NFRKB: variants seen among roughly 807,000 people sequenced by gnomAD.
NFRKB encodes the protein nuclear factor related to kappa-B-binding protein.
NFRKB carries 62 observed loss-of-function variants against 135.7 expected under a neutral mutation model. That is an observed-to-expected ratio of 0.46 (90% CI 0.37 to 0.56). The LOEUF (loss-of-function observed/expected upper bound fraction) is 0.56. NFRKB is among the 20% of genes least tolerant of loss of function. The pLI, the probability that NFRKB is intolerant of heterozygous loss-of-function variation, is 0.00. For synonymous variants in NFRKB, 678 were observed against 635.6 expected (o/e 1.07, Z -1.00); for missense variants, 1,545 against 1,662.0 (o/e 0.93, Z 1.22).
chr11:129,892,958 C>T, intron 2 of NFRKB, 88 bp from the exon 3 acceptor site: 1 of 1,594,734 alleles, frequency 6.3e-7, no homozygotes, highest in Non-Finnish European at 8.5e-7. Flanking sequence ...AACATTCAAC[C>T]TCCAGCCAGT....
chr11:129,874,248 A>G lies in NFRKB; in HGVS notation c.2144T>C (p.Met715Thr). Residue 715 changes from methionine to threonine, a missense_variant, in exon 21 of 27, where the codon ATG (methionine) becomes ACG (threonine). This residue lies in a region of NFRKB where 753 missense variants were observed against 804.3 expected (regional missense o/e 0.94). Coordinates refer to ENST00000682444, the MANE Select transcript of NFRKB (RefSeq NM_001143835.2). This position sits in a 1 kb window ranked among gnomAD's most constrained non-coding sequence, Gnocchi z 4.5. ...QSQMSLSDSS[M>T]PPTPVTPVTP... ...TACAGGTGTGACTGGGGTGGGTGGCATACTGGAGTCACTGAGGCTCATCTG... is the reference window on the plus strand; with the variant it reads ...TACAGGTGTGACTGGGGTGGGTGGCGTACTGGAGTCACTGAGGCTCATCTG... 2 of 1,518,238 alleles carry G rather than the reference A, an allele frequency of 1.3e-6. No individual in the cohort carries two copies. The highest frequency in any genetic ancestry group is 8.8e-7 in the Non-Finnish European group (1 of 1,135,784). 94.0% of individuals were successfully genotyped at this position (1,518,238 alleles called of 1,614,324 possible). A position where few individuals can be genotyped will look rare whatever the true frequency, so the allele number is the denominator to read the frequency against.
At chr11:129,882,228 G>C in intron 10 of NFRKB, 34 bp from the exon 11 acceptor site, 5 of 1,558,550 alleles carry the variant, frequency 3.2e-6, no homozygotes, top group Non-Finnish European at 4.4e-6. Context: ...GAACCAAAAA[G>C]ACCAAGAACA....
Position 129,870,204 on chromosome 11 carries a change from T to C in NFRKB, c.2821A>G (p.Thr941Ala), listed in dbSNP as rs200763187. 2 of 1,613,800 alleles carry C rather than the reference T, an allele frequency of 1.2e-6. No individual in the cohort carries two copies. Among genetic ancestry groups the C allele is most frequent in the South Asian group, 2.2e-5 (2 of 91,084 alleles). Reference sequence around the variant, plus strand: ...CCCTGGATGCGGAAGTTAGTGGCTGTGAGTGGAATGCTGTTGCCTGTTTGG... The same window carrying C: ...CCCTGGATGCGGAAGTTAGTGGCTGCGAGTGGAATGCTGTTGCCTGTTTGG... ...KPQTGNSIPL[T>A]ATNFRIQGKD... is the part of the protein sequence containing the mutation. The change falls in exon 24 of 27, where the codon ACA becomes GCA. Residue 941 changes from threonine to alanine, a missense_variant. Physicochemically the swap from Thr to Ala is moderately conservative, Grantham distance 58 (BLOSUM62 0). Around this residue, in one of 3 missense-constraint regions of NFRKB, gnomAD observed 753 missense variants for 804.3 expected, o/e 0.94. Transcript: ENST00000682444.
chr11:129,882,386 C>A, intron 10 of NFRKB, 65 bp downstream of exon 10: 5 of 1,552,320 alleles, frequency 3.2e-6, no homozygotes, highest in Non-Finnish European at 4.4e-6. Flanking sequence ...GCCCTAGGGG[C>A]CAGGGCACAG....
At chr11:129,887,894 A>G (rs1002463389) in intron 4 of NFRKB, among the ~76,000 whole-genome samples, 1 of 152,168 alleles carries the variant, frequency 6.6e-6, no homozygotes, top group African/African-American at 2.4e-5. Flanking sequence ...AAAATTAGCC[A>G]GGCGTGGTGG....
intron 4 of NFRKB, among the ~76,000 whole-genome samples, chr11:129,887,625 G>A (rs770732332): frequency 2.0e-5 from 3 of 152,140 alleles, no homozygotes; most frequent in Non-Finnish European, 2.9e-5. Context: ...GGGGCAAAGC[G>A]CCCTACCTAG....
chr11:129,869,463 G>T, intron 24 of NFRKB, 31 bp downstream of exon 24: 1 of 1,538,082 alleles, frequency 6.5e-7, no homozygotes, highest in Non-Finnish European at 8.7e-7. Context: ...TTCTAAAAAA[G>T]AAGGCCTAAG....
At chr11:129,868,881 G>T (rs1948347893) in intron 24 of NFRKB, among the ~76,000 whole-genome samples, 1 of 152,186 alleles carries the variant, frequency 6.6e-6, no homozygotes, top group African/African-American at 2.4e-5. Flanking sequence ...TAAGCCGGGT[G>T]TGATGACACA....
At chr11:129,884,219 GAT>G in intron 7 of NFRKB, 76 bp from the exon 8 acceptor site, 1 of 1,472,736 alleles carries the variant, frequency 6.8e-7, no homozygotes, top group South Asian at 1.1e-5. Context: ...TCAAAAGTAA[GAT>G]ATTTCTGAGT....
chr11:129,882,918 G>A (rs987251935), intron 9 of NFRKB, among the ~76,000 whole-genome samples: 2 of 152,066 alleles, frequency 1.3e-5, no homozygotes, highest in African/African-American at 4.8e-5. Flanking sequence ...CAAGTATACA[G>A]CTTAATTTTA....
chr11:129,878,795 C>T (rs966341608), intron 13 of NFRKB, among the ~76,000 whole-genome samples: 6 of 152,304 alleles, frequency 3.9e-5, no homozygotes, highest in South Asian at 2.1e-4. Flanking sequence ...CTGCATGTGA[C>T]GCTAAGGTTA....
At position 129,881,742 on chromosome 11, in the gene NFRKB, C is replaced by A. The variant is rs762751102; in HGVS notation, c.1303G>T (p.Ala435Ser). The part of the protein sequence containing the change: ...ELVLPALQYL[A>S]GESRAVPSSF... ...AGCATCTTACCTCGACTTTCTCCAG[C>A]AAGATACTGCAGGGCTGGTAGTACC... Residue 435 changes from alanine (A) to serine (S), a missense_variant, in exon 12 of 27, where the codon GCT becomes TCT. Physicochemically the swap from Ala to Ser is moderately conservative, Grantham distance 99. Transcript: ENST00000682444. The A allele has an allele frequency of 6.2e-7, 1 of 1,614,130 alleles. No individual in the cohort carries two copies. Among genetic ancestry groups the A allele is most frequent in the Non-Finnish European group, 8.5e-7 (1 of 1,180,000 alleles).
intron 10 of NFRKB, 94 bp from the exon 11 acceptor site, chr11:129,882,288 G>A: frequency 7.5e-7 from 1 of 1,339,530 alleles, no homozygotes. Flanking sequence ...TCATAAAAGA[G>A]TTCAAGAAAG....
At chr11:129,871,971 G>C (rs534064182) in intron 23 of NFRKB, among the ~76,000 whole-genome samples, 4 of 152,034 alleles carry the variant, frequency 2.6e-5, no homozygotes, top group Non-Finnish European at 4.4e-5. Context: ...TTTTCCTCTC[G>C]TTCCTCAATC....
rs1948082838 is a variant in NFRKB at position 129,864,177 on chromosome 11, A to C, written c.*548T>G. 6.6e-6 allele frequency: 1 copy of C among 152,586 alleles called. No homozygotes were observed. The highest frequency in any genetic ancestry group is 2.4e-5 in the African/African-American group (1 of 41,440). The allele number at this position is 152,586 out of a possible 1,614,324, so 9.5% of individuals were successfully genotyped here. On this transcript the variant is annotated 3_prime_UTR_variant, in exon 27 of 27. Coordinates refer to ENST00000682444, the MANE Select transcript of NFRKB (RefSeq NM_001143835.2). ...CTACCACCTTACTAAGATTCTTGCC[A>C]TTTTCTCATTCTAGTCAAAAAAGTA...
In NFRKB at chr11:129,874,593, G is replaced by T. The variant is rs370359472; in HGVS notation, c.1979-13C>A. ...TGGTGAATCCGCTCTGTGAACAAGA[G>T]GGGCAAGCTTCAGCCAGAGTTTAAC... is the stretch of plus-strand genomic sequence containing the variant. On this transcript the variant is annotated splice_polypyrimidine_tract_variant and intron_variant, in intron 19 of 26. Coordinates refer to ENST00000682444, the MANE Select transcript of NFRKB (RefSeq NM_001143835.2). The surrounding 1 kb of genome is among the most constrained non-coding windows in gnomAD (Gnocchi z 4.5). 9.3e-6 allele frequency: 15 copies of T among 1,613,528 alleles called. No homozygotes were observed. The South Asian group carries it at 1.4e-4, about 15-fold the overall frequency.
intron 24 of NFRKB, among the ~76,000 whole-genome samples, chr11:129,868,157 G>A (rs935131518): frequency 1.3e-5 from 2 of 152,014 alleles, no homozygotes; most frequent in African/African-American, 4.8e-5. Flanking sequence ...CATATATAAG[G>A]TTAAAAGATG....
rs377203349 is a variant in NFRKB at position 129,874,823 on chromosome 11, G to A, written c.1948C>T (p.Leu650=). 3.0e-5 allele frequency: 49 copies of A among 1,614,064 alleles called. No individual in the cohort carries two copies. In the African/African-American group the frequency reaches 6.0e-4, roughly 20 times the overall value. The change falls in exon 19 of 27, where the codon CTG becomes TTG. Residue 650 remains leucine (L), a synonymous_variant. Coordinates refer to ENST00000682444, the MANE Select transcript of NFRKB (RefSeq NM_001143835.2). The surrounding 1 kb of genome is among the most constrained non-coding windows in gnomAD (Gnocchi z 4.5). The part of the protein sequence containing the change: ...YDIGRKLWIY[L]HRDRSEEEFE... Reference sequence around the variant, plus strand: ...TCTTCTTCACTCCGGTCACGATGCAGGTAGATCCACAGCTTTCGTCCAATG... The same window carrying A: ...TCTTCTTCACTCCGGTCACGATGCAAGTAGATCCACAGCTTTCGTCCAATG...
intron 8 of NFRKB, among the ~76,000 whole-genome samples, chr11:129,883,430 G>A (rs1375507226): frequency 6.6e-6 from 1 of 152,152 alleles, no homozygotes; most frequent in East Asian, 1.9e-4. Flanking sequence ...CTACCGTACA[G>A]CATTTAATTA....
Sources: gnomAD v4.1 joint callset for allele counts (sites outside exome capture counted in the v4.1 genomes callset) on GRCh38, gnomAD v4.1.1 for gene constraint, gnomAD v4.1.1 regional missense constraint, Gnocchi (gnomAD v3.1) non-coding constraint, MANE v1.5 for transcripts, NCBI Gene and HGNC (gene_info 2026-07-23, HGNC 2026-07-21) for gene names.